RORA: variants seen among roughly 807,000 people sequenced by gnomAD.
RORA encodes nuclear receptor ROR-alpha.
Under a neutral mutation model 69.5 loss-of-function variants are expected in RORA, and 7 were observed. The observed-to-expected ratio is 0.10, with a 90% confidence interval of 0.06 to 0.19. RORA has a LOEUF of 0.19. Among genes scored for constraint, RORA ranks in the 10% least tolerant of loss-of-function variants. The pLI, the probability that RORA is intolerant of heterozygous loss-of-function variation, is 1.00. For synonymous variants in RORA, 261 were observed against 240.8 expected, an observed-to-expected ratio of 1.08 and a Z score of -0.78; for missense variants, 457 against 663.0, an observed-to-expected ratio of 0.69 and a Z score of 3.41.
chr15:60,758,048 T>C (rs1176497933), intron 1 of RORA, among the ~76,000 whole-genome samples: 4 of 152,188 alleles, frequency 2.6e-5, no homozygotes, highest in Non-Finnish European at 5.9e-5. Context: ...GACCGGCACC[T>C]CTAGGTGAAG....
intron 1 of RORA, among the ~76,000 whole-genome samples, chr15:60,851,946 G>A (rs1039462331): frequency 8.5e-5 from 13 of 152,052 alleles, no homozygotes; most frequent in African/African-American, 2.7e-4. Flanking sequence ...AGGATTCCCC[G>A]GCCATGTTCC....
intron 2 of RORA, among the ~76,000 whole-genome samples, chr15:60,649,002 C>T (rs1050042898): frequency 7.4e-4 from 113 of 152,300 alleles, no homozygotes; most frequent in Non-Finnish European, 2.6e-4. Context: ...CAACTCTCCT[C>T]ACAGGTGCTC....
intron 1 of RORA, among the ~76,000 whole-genome samples, chr15:61,028,433 A>G (rs1304298605): frequency 2.0e-5 from 3 of 152,174 alleles, no homozygotes; most frequent in African/African-American, 7.2e-5. Context: ...CATTCATTCA[A>G]CAAGTATCTA....
At chr15:60,627,572 T>C in intron 2 of RORA, 1 of 1,291,084 alleles carries the variant, frequency 7.7e-7, no homozygotes, top group Non-Finnish European at 9.9e-7. Context: ...AAGAATGAGG[T>C]ACTTACAATT....
At chr15:60,988,658 C>T (rs773997740) in intron 1 of RORA, among the ~76,000 whole-genome samples, 11 of 152,164 alleles carry the variant, frequency 7.2e-5, no homozygotes, top group Admixed American at 1.3e-4. Flanking sequence ...GTGCTCCAAA[C>T]GCTGTAGCTG....
At chr15:60,845,226 C>G (rs532102954) in intron 1 of RORA, among the ~76,000 whole-genome samples, 1 of 152,298 alleles carries the variant, frequency 6.6e-6, no homozygotes, top group South Asian at 2.1e-4. Flanking sequence ...ATGACCATCA[C>G]TACGTCAACA....
rs112772927 is a variant in RORA at position 60,705,302 on chromosome 15, C to T, written c.167-26616G>A. Among the ~76,000 whole-genome samples, 403 of 152,200 alleles carry T rather than the reference C, an allele frequency of 2.6e-3. 2 individuals carry two copies. The highest frequency in any genetic ancestry group is 9.3e-3 in the African/African-American group (386 of 41,534). Reference sequence around the variant, plus strand: ...CACAATGTGGAAAATGAGGCAAATACAAAATGAATATTGGGTTGAGTTTTC... The same window carrying T: ...CACAATGTGGAAAATGAGGCAAATATAAAATGAATATTGGGTTGAGTTTTC... On this transcript the variant is annotated intron_variant, in intron 1 of 10. Coordinates refer to ENST00000335670, the MANE Select transcript of RORA (RefSeq NM_134261.3).
rs114850908 is a variant in RORA at position 60,925,669 on chromosome 15, G to A, written c.167-246983C>T. Among the ~76,000 whole-genome samples the A allele has an allele frequency of 8.0e-3, 1,224 of 152,304 alleles. 24 individuals carry two copies. The highest frequency in any genetic ancestry group is 0.028 in the African/African-American group (1,172 of 41,556). The stretch of plus-strand genomic sequence containing the variant: ...AATGATCATCAGACCGGCCATTGGC[G>A]GCTGAGCACTTTGCCTTTCTGGGCT... On this transcript the variant is annotated intron_variant, in intron 1 of 10. Coordinates refer to ENST00000335670, the MANE Select transcript of RORA (RefSeq NM_134261.3).
intron 1 of RORA, among the ~76,000 whole-genome samples, chr15:60,793,656 G>A (rs960766027): frequency 2.6e-5 from 4 of 152,208 alleles, no homozygotes; most frequent in Non-Finnish European, 5.9e-5. Flanking sequence ...AGAGAGTAAG[G>A]AAGCCTTGAG....
chr15:60,591,075 T>A (rs957303109), intron 2 of RORA, among the ~76,000 whole-genome samples: 3 of 152,184 alleles, frequency 2.0e-5, no homozygotes, highest in African/African-American at 7.2e-5. Flanking sequence ...CATTCCAGAT[T>A]GCAACACAAC....
At position 60,832,139 on chromosome 15, in the gene RORA, T is replaced by C. The variant is rs531180790; in HGVS notation, c.167-153453A>G. 7.7e-4 allele frequency among the ~76,000 whole-genome samples: 117 copies of C among 152,306 alleles called. 2 individuals carry two copies. The highest frequency in any genetic ancestry group is 7.6e-4 in the Non-Finnish European group (52 of 68,032). On this transcript the variant is annotated intron_variant, in intron 1 of 10. Transcript: ENST00000335670. ...TCCATAGCCAGAATAAAGACCATAT[T>C]TTCCATCCTTTCTTGCAGCTTAGTG...
intron 1 of RORA, among the ~76,000 whole-genome samples, chr15:60,830,904 A>G (rs1316292381): frequency 1.3e-5 from 2 of 152,186 alleles, no homozygotes; most frequent in Non-Finnish European, 2.9e-5. Context: ...TTAGTTCTCT[A>G]CAGTAAAGTG....
intron 1 of RORA, among the ~76,000 whole-genome samples, chr15:60,718,040 C>A (rs1043961677): frequency 3.3e-5 from 5 of 152,178 alleles, no homozygotes; most frequent in African/African-American, 4.8e-5. Context: ...CTCAAGTGAT[C>A]CACCCACCTT....
intron 2 of RORA, among the ~76,000 whole-genome samples, chr15:60,610,129 G>A (rs1012727100): frequency 6.6e-6 from 1 of 151,784 alleles, no homozygotes; most frequent in Non-Finnish European, 1.5e-5. Flanking sequence ...AATGGAATGT[G>A]AGCCCTGCAA....
At position 61,128,020 on chromosome 15, in the gene RORA, G is replaced by C. The variant is rs1470282188; in HGVS notation, c.166+101033C>G. 6.6e-6 allele frequency among the ~76,000 whole-genome samples: 1 copy of C among 152,154 alleles called. No individual in the cohort carries two copies. The highest frequency in any genetic ancestry group is 1.5e-5 in the Non-Finnish European group (1 of 68,032). ...TACCTAATTATGCAGTCCAGTAGAAGAGGCTTACCCATAGGATTTTAAATC... is the reference window on the plus strand; with the variant it reads ...TACCTAATTATGCAGTCCAGTAGAACAGGCTTACCCATAGGATTTTAAATC... On this transcript the variant is annotated intron_variant, in intron 1 of 10. Coordinates refer to ENST00000335670, the MANE Select transcript of RORA (RefSeq NM_134261.3). The surrounding 1 kb of genome is among the most constrained non-coding windows in gnomAD (Gnocchi z 4.5).
intron 1 of RORA, among the ~76,000 whole-genome samples, chr15:60,865,922 A>T (rs1368352723): frequency 1.3e-5 from 2 of 152,256 alleles, no homozygotes; most frequent in Admixed American, 1.3e-4. Context: ...GGATATTAAA[A>T]TTTTTTGGCC....
In RORA at chr15:61,147,743, G is replaced by A. The variant is rs1219843847; in HGVS notation, c.166+81310C>T. The stretch of plus-strand genomic sequence containing the variant: ...TTCAGTCCTAAAAGAAAGGTTGATG[G>A]TCAGTAGGCACGTGCGCACACGCGT... On this transcript the variant is annotated intron_variant, in intron 1 of 10. Coordinates refer to ENST00000335670, the MANE Select transcript of RORA (RefSeq NM_134261.3). The surrounding 1 kb of genome is among the most constrained non-coding windows in gnomAD (Gnocchi z 4.1). Among the ~76,000 whole-genome samples the A allele has an allele frequency of 6.6e-6, 1 of 150,844 alleles. No homozygotes were observed. The highest frequency in any genetic ancestry group is 2.0e-4 in the East Asian group (1 of 5,064).
chr15:60,523,052 A>AAAAAAAAACACAC (rs1555426067), intron 3 of RORA, among the ~76,000 whole-genome samples: 22 of 148,826 alleles, frequency 1.5e-4, no homozygotes, highest in South Asian at 4.2e-4. Flanking sequence ...AAAAAACACA[A>AAAAAAAAACACAC]AAAAAAAAAC....
At chr15:60,850,743 C>T (rs893461276) in intron 1 of RORA, among the ~76,000 whole-genome samples, 2 of 152,180 alleles carry the variant, frequency 1.3e-5, no homozygotes, top group East Asian at 1.9e-4. Context: ...GCCCTGTAGA[C>T]AACTGGTGCA....
Sources: gnomAD v4.1 joint callset for allele counts (sites outside exome capture counted in the v4.1 genomes callset) on GRCh38, gnomAD v4.1.1 for gene constraint, Gnocchi (gnomAD v3.1) non-coding constraint, MANE v1.5 for transcripts, NCBI Gene and HGNC (gene_info 2026-07-23, HGNC 2026-07-21) for gene names.